Variants in CPA6 observed in about 807,000 individuals in gnomAD.
CPA6 encodes carboxypeptidase A6.
CPA6 carries 58 observed loss-of-function variants against 63.3 expected under a neutral mutation model. The observed-to-expected ratio is 0.92, with a 90% CI of 0.74 to 1.14. The LOEUF is 1.14. CPA6 is among the 50% of genes most tolerant of loss of function. CPA6 has a pLI of 0.00. For missense variants in CPA6, 565 were observed against 526.6 expected, an observed-to-expected ratio of 1.07 and a Z score of -0.71; for synonymous variants, 185 against 179.0, an observed-to-expected ratio of 1.03 and a Z score of -0.27.
intron 2 of CPA6, among the ~76,000 whole-genome samples, chr8:67,549,378 A>C (rs1812890745): frequency 6.6e-6 from 1 of 152,200 alleles, no homozygotes; most frequent in Admixed American, 6.5e-5. Flanking sequence ...TATGATTGAC[A>C]TATAAAAGCT....
At chr8:67,619,261 C>T (rs1012143690) in intron 2 of CPA6, among the ~76,000 whole-genome samples, 3 of 152,140 alleles carry the variant, frequency 2.0e-5, no homozygotes, top group African/African-American at 7.2e-5. Context: ...GAGCCAAAGG[C>T]CAAGATGTAG....
At chr8:67,460,627 TTC>T (rs1404808031) in intron 8 of CPA6, among the ~76,000 whole-genome samples, 1 of 152,330 alleles carries the variant, frequency 6.6e-6, no homozygotes, top group Admixed American at 6.5e-5. Flanking sequence ...AGTGGAATCT[TTC>T]TCTCAGAATT....
At chr8:67,741,661 A>G (rs943173622) in intron 1 of CPA6, among the ~76,000 whole-genome samples, 2 of 152,152 alleles carry the variant, frequency 1.3e-5, no homozygotes, top group Non-Finnish European at 2.9e-5. Context: ...CGAGGGATCT[A>G]GGTTGCATGT....
At chr8:67,648,093 T>TGGCCC (rs1206622881) in intron 1 of CPA6, among the ~76,000 whole-genome samples, 3 of 152,318 alleles carry the variant, frequency 2.0e-5, no homozygotes, top group Non-Finnish European at 4.4e-5. Flanking sequence ...GAAGTTCCTT[T>TGGCCC]GGCCCCTATA....
intron 1 of CPA6, among the ~76,000 whole-genome samples, chr8:67,744,401 C>T (rs1345532431): frequency 2.0e-5 from 3 of 152,150 alleles, no homozygotes; most frequent in Non-Finnish European, 4.4e-5. Flanking sequence ...GGGTTCCAGT[C>T]GCTACAAATT....
intron 1 of CPA6, among the ~76,000 whole-genome samples, chr8:67,673,689 G>T (rs534005438): frequency 6.6e-6 from 1 of 152,044 alleles, no homozygotes; most frequent in Admixed American, 6.5e-5. Context: ...ACTGCGCCTG[G>T]CCTTGTTTTA....
At chr8:67,502,625 T>C (rs932930088) in intron 6 of CPA6, among the ~76,000 whole-genome samples, 2 of 152,218 alleles carry the variant, frequency 1.3e-5, no homozygotes, top group African/African-American at 4.8e-5. Flanking sequence ...GTGCTATACA[T>C]TTCCCTCTCA....
At chr8:67,423,245 C>T (rs1809808183) in intron 10 of CPA6, among the ~76,000 whole-genome samples, 1 of 152,150 alleles carries the variant, frequency 6.6e-6, no homozygotes, top group African/African-American at 2.4e-5. Context: ...CCACCATGCC[C>T]AGCTAATTTT....
In CPA6 at chr8:67,693,945, G is replaced by A. The variant is rs138159901; in HGVS notation, c.116+52069C>T. ...GTGAAATTTCTAGGGATCCAGTGGT[G>A]TGGAGCAGGTCAAGGTATCTCTTCT... On this transcript the variant is annotated intron_variant, in intron 1 of 10. Transcript: ENST00000297770. 2.0e-5 allele frequency among the ~76,000 whole-genome samples: 3 copies of A among 152,360 alleles called. No individual in the cohort carries two copies. The East Asian group carries it at 5.8e-4, about 29-fold the overall frequency.
At position 67,518,041 on chromosome 8, in the gene CPA6, G is replaced by T; in HGVS notation, c.199C>A (p.Leu67Met). Residue 67 changes from leucine to methionine, a missense_variant, in exon 3 of 11, where the codon CTG becomes ATG. Physicochemically the swap from Leu to Met is conservative, Grantham distance 15 (BLOSUM62 2). Transcript: ENST00000297770. ...KKISYQLKVD[L>M]WQPSSISYVS... ...TAGGAGATACTGCTGGGCTGCCACA[G>T]GTCCACCTGTAGTGCAGGAACCAAC... 6.3e-7 allele frequency: 1 copy of T among 1,594,386 alleles called. No homozygotes were observed. Among genetic ancestry groups the T allele is most frequent in the Non-Finnish European group, 8.5e-7 (1 of 1,172,552 alleles).
chr8:67,504,397 G>T (rs558598338), intron 6 of CPA6, among the ~76,000 whole-genome samples: 33 of 152,288 alleles, frequency 2.2e-4, no homozygotes, highest in African/African-American at 7.5e-4. Flanking sequence ...CACTTCTAAT[G>T]AAGAAAATAT....
At chr8:67,719,646 CAG>C (rs1817453413) in intron 1 of CPA6, among the ~76,000 whole-genome samples, 1 of 151,926 alleles carries the variant, frequency 6.6e-6, no homozygotes, top group South Asian at 2.1e-4. Flanking sequence ...AAACTGGAAG[CAG>C]AGAGGCAAGG....
intron 2 of CPA6, among the ~76,000 whole-genome samples, chr8:67,590,906 A>T (rs1434886607): frequency 6.6e-6 from 1 of 152,092 alleles, no homozygotes; most frequent in East Asian, 1.9e-4. Context: ...CCCATTTGTC[A>T]ATTTTGGCTT....
chr8:67,709,045 C>T (rs1357607490), intron 1 of CPA6, among the ~76,000 whole-genome samples: 1 of 152,156 alleles, frequency 6.6e-6, no homozygotes, highest in Non-Finnish European at 1.5e-5. Flanking sequence ...AAAGTGTGCT[C>T]AAGCATGCAC....
intron 2 of CPA6, among the ~76,000 whole-genome samples, chr8:67,541,192 C>T (rs1056524062): frequency 2.0e-5 from 3 of 152,088 alleles, no homozygotes; most frequent in African/African-American, 7.2e-5. Flanking sequence ...GAGGGAATCT[C>T]CTGGTCTGTG....
intron 1 of CPA6, among the ~76,000 whole-genome samples, chr8:67,673,380 ATTTAT>A (rs926356611): frequency 8.6e-5 from 11 of 128,116 alleles, no homozygotes; most frequent in African/African-American, 4.0e-4. Flanking sequence ...TATTATTATT[ATTTAT>A]TTATTTTTTT....
chr8:67,619,533 T>C (rs1243372831), intron 2 of CPA6, among the ~76,000 whole-genome samples: 2 of 152,108 alleles, frequency 1.3e-5, no homozygotes, highest in African/African-American at 4.8e-5. Flanking sequence ...TCTACCCAAG[T>C]TCCTGCAGCT....
chr8:67,530,646 G>C (rs1386852018), intron 2 of CPA6, among the ~76,000 whole-genome samples: 1 of 152,196 alleles, frequency 6.6e-6, no homozygotes, highest in Non-Finnish European at 1.5e-5. Context: ...AAGCATGTGA[G>C]GTGATACGCT....
At chr8:67,586,199 A>G (rs1010324682) in intron 2 of CPA6, among the ~76,000 whole-genome samples, 1 of 152,088 alleles carries the variant, frequency 6.6e-6, no homozygotes, top group Non-Finnish European at 1.5e-5. Context: ...AGGGTAGGCT[A>G]TATGTTCTGT....
Sources: gnomAD v4.1 joint callset for allele counts (sites outside exome capture counted in the v4.1 genomes callset) on GRCh38, gnomAD v4.1.1 for gene constraint, MANE v1.5 for transcripts, NCBI Gene and HGNC (gene_info 2026-07-23, HGNC 2026-07-21) for gene names.